CPS1: variants seen among roughly 807,000 people sequenced by gnomAD.
CPS1 encodes carbamoyl-phosphate synthase 1, also known as carbamoyl-phosphate synthase [ammonia], mitochondrial.
CPS1 carries 109 observed loss-of-function variants against 174.6 expected under a neutral mutation model. That is an observed-to-expected ratio of 0.62 (90% CI 0.53 to 0.73). The LOEUF is 0.73. Ranked by LOEUF, CPS1 falls within the 30% of genes least tolerant of loss-of-function variation. The probability of loss-of-function intolerance (pLI) is 0.00; values close to 1 mark genes in which losing one functional copy is unlikely to be tolerated. For synonymous variants in CPS1, 637 were observed against 632.0 expected (o/e 1.01, Z -0.12); for missense variants, 1,689 against 1,821.9 (o/e 0.93, Z 1.33).
At chr2:210,516,679 C>A (rs533300707) in intron 1 of CPS1, among the ~76,000 whole-genome samples, 1 of 151,856 alleles carries the variant, frequency 6.6e-6, no homozygotes, top group Non-Finnish European at 1.5e-5. Context: ...CTACCTCATA[C>A]CCCCACCTCA....
At chr2:210,676,938 A>C (rs1370917555) in intron 36 of CPS1, 69 bp from the exon 37 acceptor site, 1 of 1,495,176 alleles carries the variant, frequency 6.7e-7, no homozygotes, top group Admixed American at 1.7e-5. Context: ...AGAGCAATTT[A>C]TGTTAGTATT....
chr2:210,551,989 A>C (rs981230878), upstream of CPS1, among the ~76,000 whole-genome samples: 1 of 151,956 alleles, frequency 6.6e-6, no homozygotes, highest in Admixed American at 6.6e-5. Context: ...TGCCTTTTAC[A>C]TGGGTACAAT....
chr2:210,502,172 C>T (rs1385138000), intron 1 of CPS1, among the ~76,000 whole-genome samples: 1 of 151,940 alleles, frequency 6.6e-6, no homozygotes. Context: ...TGGTCCCACC[C>T]TTGACACGTG....
intron 2 of CPS1, among the ~76,000 whole-genome samples, chr2:210,573,638 G>A (rs1697591175): frequency 6.6e-6 from 1 of 151,968 alleles, no homozygotes; most frequent in African/African-American, 2.4e-5. Flanking sequence ...TGGTCCCCTG[G>A]ATAAAAAGAA....
At chr2:210,558,635 A>G (rs944089323) in intron 1 of CPS1, among the ~76,000 whole-genome samples, 2 of 152,058 alleles carry the variant, frequency 1.3e-5, no homozygotes, top group African/African-American at 4.8e-5. Flanking sequence ...GGATAGGTGC[A>G]TCTTCATCAG....
intron 33 of CPS1, among the ~76,000 whole-genome samples, chr2:210,664,017 G>C (rs1033685893): frequency 6.6e-6 from 1 of 152,142 alleles, no homozygotes; most frequent in Non-Finnish European, 1.5e-5. Context: ...ATGGTTGCCT[G>C]GTTACAAGCA....
intron 1 of CPS1, among the ~76,000 whole-genome samples, chr2:210,530,875 C>T (rs1696098388): frequency 6.6e-6 from 1 of 151,506 alleles, no homozygotes; most frequent in African/African-American, 2.4e-5. Flanking sequence ...TAGTGTGGCC[C>T]AAGAATATGC....
rs539546650 is a variant in CPS1 at position 210,636,600 on chromosome 2, C to T, written c.2688-1102C>T. ...ATCCAGCAGGAAAAAGCCTGATTGA[C>T]GAATAAAAGTTAGGAGACATTAAAA... On this transcript the variant is annotated intron_variant, in intron 21 of 37. Transcript: ENST00000233072. Among the ~76,000 whole-genome samples the T allele has an allele frequency of 3.0e-3, 463 of 151,868 alleles. 5 individuals carry two copies. The highest frequency in any genetic ancestry group is 0.011 in the African/African-American group (439 of 41,370).
intron 1 of CPS1, among the ~76,000 whole-genome samples, chr2:210,490,280 C>T (rs191791854): frequency 6.6e-6 from 1 of 152,150 alleles, no homozygotes; most frequent in Admixed American, 6.5e-5. Context: ...TTACCTCTGA[C>T]CTACAAATTG....
intron 15 of CPS1, among the ~76,000 whole-genome samples, chr2:210,601,679 G>A (rs528547965): frequency 2.8e-4 from 43 of 151,962 alleles, no homozygotes; most frequent in Non-Finnish European, 4.6e-4. Flanking sequence ...GCCACCATAT[G>A]TTGTATTCTG....
At chr2:210,612,607 T>C (rs1168668333) in intron 20 of CPS1, among the ~76,000 whole-genome samples, 1 of 151,988 alleles carries the variant, frequency 6.6e-6, no homozygotes, top group Non-Finnish European at 1.5e-5. Flanking sequence ...TAGATTTGAC[T>C]ATATTGACTT....
At chr2:210,505,152 G>A (rs149024227) in intron 1 of CPS1, among the ~76,000 whole-genome samples, 3 of 151,948 alleles carry the variant, frequency 2.0e-5, no homozygotes, top group African/African-American at 4.8e-5. Context: ...CTATTTCCAA[G>A]GGAGTACAAT....
At chr2:210,578,841 T>C (rs1224473536) in intron 4 of CPS1, among the ~76,000 whole-genome samples, 3 of 152,316 alleles carry the variant, frequency 2.0e-5, no homozygotes, top group East Asian at 3.9e-4. Flanking sequence ...ACCCAAGCTT[T>C]CCTTTTCCTT....
At chr2:210,663,254 T>C in intron 33 of CPS1, 57 bp downstream of exon 33, 2 of 1,501,488 alleles carry the variant, frequency 1.3e-6, no homozygotes, top group Non-Finnish European at 1.9e-6. Flanking sequence ...AATCTATGGT[T>C]TTATGATTTG....
At chr2:210,592,027 A>G in intron 10 of CPS1, 58 bp downstream of exon 10, 4 of 1,545,598 alleles carry the variant, frequency 2.6e-6, no homozygotes, top group Non-Finnish European at 2.6e-6. Flanking sequence ...GCTTTTAAAA[A>G]TAATTGATAC....
intron 20 of CPS1, among the ~76,000 whole-genome samples, chr2:210,612,744 C>T (rs1699172426): frequency 6.6e-6 from 1 of 151,828 alleles, no homozygotes; most frequent in African/African-American, 2.4e-5. Context: ...AATTTATTTG[C>T]TTCTCTTTCT....
At chr2:210,650,192 A>G (rs1473897788) in intron 27 of CPS1, among the ~76,000 whole-genome samples, 171 bp from the exon 28 acceptor site, 1 of 152,154 alleles carries the variant, frequency 6.6e-6, no homozygotes, top group Admixed American at 6.5e-5. Context: ...TCAGTTTTAT[A>G]CTTTGGTTGA....
chr2:210,491,667 T>A (rs572389520), intron 1 of CPS1, among the ~76,000 whole-genome samples: 2 of 152,192 alleles, frequency 1.3e-5, no homozygotes, highest in Admixed American at 1.3e-4. Context: ...GAAGTTACCA[T>A]CTCACCTCCA....
chr2:210,604,894 A>G, intron 16 of CPS1: 1 of 570,064 alleles, frequency 1.8e-6, no homozygotes, highest in Non-Finnish European at 3.1e-6. Flanking sequence ...AGCCTCAATA[A>G]TGTAAATCAA....
Sources: allele counts gnomAD v4.1 joint callset (sites outside exome capture counted in the v4.1 genomes callset), GRCh38; gene constraint gnomAD v4.1.1; transcripts MANE v1.5; gene names NCBI Gene and HGNC (gene_info 2026-07-23, HGNC 2026-07-21).